Variants in ZNF322 observed in about 807,000 individuals in gnomAD.
ZNF322 encodes HLA complex group 12.
In ZNF322, 1 loss-of-function variant was observed where a neutral mutation model predicts 18.3. The observed-to-expected ratio is 0.05, with a 90% CI of 0.02 to 0.26. The LOEUF is 0.26. Among genes scored for constraint, ZNF322 ranks in the 10% least tolerant of loss-of-function variants. The probability of loss-of-function intolerance (pLI) is 1.00; values close to 1 mark genes in which losing one functional copy is unlikely to be tolerated. For missense variants in ZNF322, 36 were observed against 403.6 expected (o/e 0.09, Z 7.80); for synonymous variants, 17 against 130.7 (o/e 0.13, Z 5.93).
intron 2 of ZNF322, among the ~76,000 whole-genome samples, chr6:26,646,994 A>G (rs1481736297): frequency 6.6e-6 from 1 of 152,202 alleles, no homozygotes; most frequent in African/African-American, 2.4e-5. Flanking sequence ...AAACCAGTTC[A>G]TGCCTATATT....
intron 2 of ZNF322, among the ~76,000 whole-genome samples, chr6:26,655,882 G>C (rs1765761190): frequency 6.6e-6 from 1 of 152,034 alleles, no homozygotes; most frequent in South Asian, 2.1e-4. Context: ...CCCCGTCTTG[G>C]ACTTTCGAAT....
intron 2 of ZNF322, among the ~76,000 whole-genome samples, chr6:26,657,228 T>C (rs553060937): frequency 2.3e-4 from 35 of 151,066 alleles, no homozygotes; most frequent in Non-Finnish European, 2.1e-4. Flanking sequence ...CCAGCCTGGA[T>C]GACAGAGCGA....
intron 3 of ZNF322, among the ~76,000 whole-genome samples, 188 bp from the exon 4 acceptor site, chr6:26,638,916 G>A (rs1013499600): frequency 1.3e-5 from 2 of 152,188 alleles, no homozygotes; most frequent in Non-Finnish European, 2.9e-5. Context: ...ATACATATGG[G>A]AAACTGCAAG....
intron 2 of ZNF322, among the ~76,000 whole-genome samples, chr6:26,653,612 A>G (rs1345916847): frequency 6.6e-6 from 1 of 152,224 alleles, no homozygotes; most frequent in Non-Finnish European, 1.5e-5. Context: ...TTAAAAAAGC[A>G]AAGTGTAAAA....
intron 3 of ZNF322, among the ~76,000 whole-genome samples, chr6:26,639,419 T>C (rs543271424): frequency 6.6e-6 from 1 of 152,308 alleles, no homozygotes; most frequent in Admixed American, 6.5e-5. Context: ...TGACTGATTA[T>C]AGATACAAGT....
chr6:26,649,699 ATATTT>A (rs1765632092), intron 2 of ZNF322, among the ~76,000 whole-genome samples: 1 of 66,606 alleles, frequency 1.5e-5, no homozygotes, highest in Non-Finnish European at 2.6e-5. Flanking sequence ...ATATATATAT[ATATTT>A]TTTTTTTTTT....
At chr6:26,653,969 AT>A (rs1554149477) in intron 2 of ZNF322, among the ~76,000 whole-genome samples, 2 of 152,186 alleles carry the variant, frequency 1.3e-5, no homozygotes, top group Non-Finnish European at 2.9e-5. Flanking sequence ...AGAAAAAAAA[AT>A]AACTCTAACA....
rs1765368518 is a variant in ZNF322, at chr6:26,637,182, AG to A, written c.*162del. On this transcript the variant is annotated 3_prime_UTR_variant, in exon 4 of 4. Transcript: ENST00000415922. ...TGGAGTGAGGATGAAGTGTTCTGTT[AG>A]GGCAGCTCTCTGGGCAAAGAATTTC... 1.9e-6 allele frequency: 1 copy of A among 528,256 alleles called. No homozygotes were observed. The highest frequency in any genetic ancestry group is 2.5e-5 in the African/African-American group (1 of 40,532). 32.7% of individuals were successfully genotyped at this position (528,256 alleles called of 1,614,324 possible). A position where few individuals can be genotyped will look rare whatever the true frequency, so the allele number is the denominator to read the frequency against.
chr6:26,653,296 G>C (rs782111758), intron 2 of ZNF322, among the ~76,000 whole-genome samples: 9 of 152,098 alleles, frequency 5.9e-5, no homozygotes, highest in South Asian at 2.1e-4. Context: ...GTACAATCTC[G>C]TCCGGAGGGG....
intron 3 of ZNF322, among the ~76,000 whole-genome samples, chr6:26,642,666 A>C (rs1765486326): frequency 6.6e-6 from 1 of 152,160 alleles, no homozygotes; most frequent in Non-Finnish European, 1.5e-5. Flanking sequence ...TCAAAGCCTA[A>C]CGTATCACAA....
chr6:26,648,584 AG>A (rs1254890482), intron 2 of ZNF322, among the ~76,000 whole-genome samples: 1 of 152,230 alleles, frequency 6.6e-6, no homozygotes, highest in Non-Finnish European at 1.5e-5. Context: ...AAAGGAATTC[AG>A]TATGGTAGCA....
intron 3 of ZNF322, among the ~76,000 whole-genome samples, chr6:26,639,261 A>G (rs150303958): frequency 6.6e-6 from 1 of 152,324 alleles, no homozygotes; most frequent in African/African-American, 2.4e-5. Context: ...ACTACCTTAC[A>G]CGGTTCTGTG....
chr6:26,646,237 G>C (rs1170057619), intron 2 of ZNF322, among the ~76,000 whole-genome samples: 1 of 151,966 alleles, frequency 6.6e-6, no homozygotes, highest in Non-Finnish European at 1.5e-5. Flanking sequence ...AAATATAAAT[G>C]AGCTTAACAC....
intron 2 of ZNF322, among the ~76,000 whole-genome samples, chr6:26,651,755 A>AT (rs1337846858): frequency 1.3e-5 from 2 of 152,244 alleles, no homozygotes; most frequent in African/African-American, 4.8e-5. Flanking sequence ...AATGAATCAG[A>AT]TACCTAAGTA....
intron 2 of ZNF322, among the ~76,000 whole-genome samples, chr6:26,645,676 A>G (rs1292851228): frequency 1.3e-5 from 2 of 152,142 alleles, no homozygotes; most frequent in African/African-American, 4.8e-5. Context: ...ACCCTTAAAA[A>G]CCAAATAATT....
intron 2 of ZNF322, among the ~76,000 whole-genome samples, chr6:26,649,701 A>ATATATATAT (rs1561925001): frequency 1.3e-5 from 1 of 76,798 alleles, no homozygotes; most frequent in Non-Finnish European, 2.3e-5. Context: ...ATATATATAT[A>ATATATATAT]TTTTTTTTTT....
At chr6:26,658,336 T>C (rs1765817905) in intron 2 of ZNF322, among the ~76,000 whole-genome samples, 1 of 152,130 alleles carries the variant, frequency 6.6e-6, no homozygotes, top group Admixed American at 6.5e-5. Flanking sequence ...AAGCAATTAC[T>C]GCAAGCCTAA....
intron 2 of ZNF322, among the ~76,000 whole-genome samples, chr6:26,649,637 A>ATGTGTGTGTGTG (rs58521273): frequency 1.5e-5 from 1 of 67,618 alleles, no homozygotes; most frequent in African/African-American, 5.3e-5. Flanking sequence ...ATACATACAT[A>ATGTGTGTGTGTG]TGTGTGTGTG....
At chr6:26,654,509 G>A (rs1218569869) in intron 2 of ZNF322, among the ~76,000 whole-genome samples, 2 of 152,008 alleles carry the variant, frequency 1.3e-5, no homozygotes, top group African/African-American at 2.4e-5. Flanking sequence ...CTCAAAAAGT[G>A]GTGCAATATG....
Sources: gnomAD v4.1 joint callset for allele counts (sites outside exome capture counted in the v4.1 genomes callset) on GRCh38, gnomAD v4.1.1 for gene constraint, MANE v1.5 for transcripts, NCBI Gene and HGNC (gene_info 2026-07-23, HGNC 2026-07-21) for gene names.